The following CDC14A variants were observed in gnomAD, a reference collection of about 807,000 sequenced individuals.
CDC14A encodes dual specificity protein phosphatase CDC14A.
In CDC14A, 53 loss-of-function variants were observed where a neutral mutation model predicts 74.4. That is an observed-to-expected ratio of 0.71 (90% confidence interval 0.57 to 0.89). CDC14A has a LOEUF of 0.89. Among genes scored for constraint, CDC14A ranks in the 40% least tolerant of loss-of-function variants. CDC14A has a pLI of 0.00. For missense variants in CDC14A, 646 were observed against 713.7 expected (o/e 0.91, Z 1.08); for synonymous variants, 247 against 258.4 (o/e 0.96, Z 0.43).
At chr1:100,478,279 G>C (rs1419608630) in intron 10 of CDC14A, among the ~76,000 whole-genome samples, 3 of 151,944 alleles carry the variant, frequency 2.0e-5, no homozygotes, top group Non-Finnish European at 2.9e-5. Flanking sequence ...AAGTATAAAG[G>C]TGGAGTCAGG....
At chr1:100,450,759 C>T (rs1666056777) in intron 7 of CDC14A, among the ~76,000 whole-genome samples, 1 of 152,102 alleles carries the variant, frequency 6.6e-6, no homozygotes, top group African/African-American at 2.4e-5. Context: ...TAAACAATTC[C>T]CCATGGCTTT....
Position 100,459,101 on chromosome 1 carries a change from GCA to G in CDC14A, c.608-3525_608-3524del, listed in dbSNP as rs545033793. On this transcript the variant is annotated intron_variant, in intron 8 of 15. Transcript: ENST00000336454. ...CTTCTATTTAAACACACACACACAC[GCA>G]CACACACACACACACACACACACAG... 2.0e-3 allele frequency among the ~76,000 whole-genome samples: 290 copies of G among 143,720 alleles called. 1 individual carries two copies. The highest frequency in any genetic ancestry group is 5.1e-3 in the East Asian group (25 of 4,950). 94.3% of individuals were successfully genotyped at this position (143,720 alleles called of 152,430 possible).
intron 4 of CDC14A, among the ~76,000 whole-genome samples, chr1:100,407,416 C>T (rs1352541259): frequency 6.6e-6 from 1 of 152,154 alleles, no homozygotes; most frequent in African/African-American, 2.4e-5. Flanking sequence ...AGATCCTTCA[C>T]TTCCCTTGTT....
In CDC14A at chr1:100,410,822, G is replaced by A. The variant is rs192150948; in HGVS notation, c.310-13400G>A. On this transcript the variant is annotated intron_variant, in intron 4 of 15. Coordinates refer to ENST00000336454, the MANE Select transcript of CDC14A (RefSeq NM_003672.4). Reference sequence around the variant, plus strand: ...CCACGATGGTGATCACCGAATTCTCGCTATTAATTCAATTTAAAAAATTTT... The same window carrying A: ...CCACGATGGTGATCACCGAATTCTCACTATTAATTCAATTTAAAAAATTTT... 2.0e-5 allele frequency among the ~76,000 whole-genome samples: 3 copies of A among 152,196 alleles called. No homozygotes were observed. The Middle Eastern group carries it at 0.01, about 518-fold the overall frequency.
Position 100,498,068 on chromosome 1 carries a change from C to T in CDC14A, c.1299-17C>T. The T allele has an allele frequency of 1.2e-6, 2 of 1,604,670 alleles. No homozygotes were observed. Among genetic ancestry groups the T allele is most frequent in the Non-Finnish European group, 8.5e-7 (1 of 1,176,998 alleles). The stretch of plus-strand genomic sequence containing the variant: ...AGACTACTTTATTGTGACACTTTGC[C>T]ATTTTTCTCCGCAAAGATTAAGTTC... On this transcript the variant is annotated splice_polypyrimidine_tract_variant and intron_variant, in intron 13 of 15. Transcript: ENST00000336454.
chr1:100,404,713 C>T (rs1659713616), intron 4 of CDC14A, among the ~76,000 whole-genome samples: 1 of 152,080 alleles, frequency 6.6e-6, no homozygotes, highest in Non-Finnish European at 1.5e-5. Context: ...GCCTGTATTC[C>T]CAGCTACTCG....
chr1:100,347,188 A>G (rs1036730300), intron 1 of CDC14A, among the ~76,000 whole-genome samples: 2 of 152,266 alleles, frequency 1.3e-5, no homozygotes, highest in Non-Finnish European at 2.9e-5. Flanking sequence ...AAGGTTGTTG[A>G]TACTACAGCA....
chr1:100,501,210 A>G (rs1648684339), intron 15 of CDC14A, among the ~76,000 whole-genome samples: 1 of 152,256 alleles, frequency 6.6e-6, no homozygotes. Flanking sequence ...CTATATTTAT[A>G]AATCATATAC....
intron 2 of CDC14A, among the ~76,000 whole-genome samples, chr1:100,364,692 T>C (rs895017121): frequency 3.9e-5 from 6 of 152,244 alleles, no homozygotes; most frequent in African/African-American, 1.4e-4. Context: ...CATTGAATAA[T>C]GGAGTTAATT....
chr1:100,426,494 T>G (rs915909224), intron 5 of CDC14A, among the ~76,000 whole-genome samples: 1 of 152,328 alleles, frequency 6.6e-6, no homozygotes, highest in African/African-American at 2.4e-5. Context: ...TAGAATTGAT[T>G]TCAATTCTAC....
chr1:100,505,408 C>A (rs759848962), intron 15 of CDC14A, among the ~76,000 whole-genome samples: 5 of 152,146 alleles, frequency 3.3e-5, no homozygotes, highest in Non-Finnish European at 7.4e-5. Flanking sequence ...TAACATCAGG[C>A]AGAATACGTA....
At chr1:100,386,542 TC>T (rs35278644) in intron 3 of CDC14A, among the ~76,000 whole-genome samples, 1 of 152,124 alleles carries the variant, frequency 6.6e-6, no homozygotes, top group Admixed American at 6.5e-5. Flanking sequence ...TGCTTTGTAA[TC>T]CCTGCACTTT....
At position 100,518,819 on chromosome 1, in the gene CDC14A, A is replaced by G. The variant is rs1650441414; in HGVS notation, c.*539A>G. 6.6e-6 allele frequency: 1 copy of G among 152,592 alleles called. No individual in the cohort carries two copies. The highest frequency in any genetic ancestry group is 1.5e-5 in the Non-Finnish European group (1 of 68,054). 9.5% of individuals were successfully genotyped at this position (152,592 alleles called of 1,614,324 possible). A position where few individuals can be genotyped will look rare whatever the true frequency, so the allele number is the denominator to read the frequency against. On this transcript the variant is annotated 3_prime_UTR_variant, in exon 16 of 16. Coordinates refer to ENST00000336454, the MANE Select transcript of CDC14A (RefSeq NM_003672.4). Reference sequence around the variant, plus strand: ...GAAGTAAGGGAGAAAGTTTTTAGAAAGTGATTTTTATGCTCGCACTATAAA... The same window carrying G: ...GAAGTAAGGGAGAAAGTTTTTAGAAGGTGATTTTTATGCTCGCACTATAAA...
chr1:100,498,809 A>T (rs1648280167), intron 14 of CDC14A, 120 bp from the exon 15 acceptor site: 1 of 1,351,380 alleles, frequency 7.4e-7, no homozygotes, highest in Non-Finnish European at 9.9e-7. Context: ...ATTCACATTG[A>T]TCAGATTCAT....
At chr1:100,480,295 A>G (rs1669315619) in intron 10 of CDC14A, among the ~76,000 whole-genome samples, 2 of 152,230 alleles carry the variant, frequency 1.3e-5, no homozygotes, top group African/African-American at 4.8e-5. Flanking sequence ...CATATTTGCA[A>G]CATTCATCCA....
Position 100,400,901 on chromosome 1 carries a change from A to G in CDC14A, c.309+10077A>G, listed in dbSNP as rs941330304. Among the ~76,000 whole-genome samples, 8 of 152,054 alleles carry G rather than the reference A, an allele frequency of 5.3e-5. 1 individual carries two copies. Among genetic ancestry groups the G allele is most frequent in the Admixed American group, 3.3e-4 (5 of 15,274 alleles). On this transcript the variant is annotated intron_variant, in intron 4 of 15. Coordinates refer to ENST00000336454, the MANE Select transcript of CDC14A (RefSeq NM_003672.4). The stretch of plus-strand genomic sequence containing the variant: ...TCTTTTTTTCTTTTGGCATCCTGAT[A>G]ATAAACTTCCTTTGTGTTGTAAATA...
chr1:100,435,319 T>C (rs1338660331), intron 5 of CDC14A, among the ~76,000 whole-genome samples: 1 of 152,304 alleles, frequency 6.6e-6, no homozygotes, highest in South Asian at 2.1e-4. Context: ...TAGGCTAAGA[T>C]GATGCATGCA....
chr1:100,411,004 G>C (rs1347428253), intron 4 of CDC14A, among the ~76,000 whole-genome samples: 1 of 151,090 alleles, frequency 6.6e-6, no homozygotes, highest in Non-Finnish European at 1.5e-5. Context: ...TGCTCTGGTA[G>C]AGCTGTATAG....
chr1:100,454,747 G>A (rs2101179518), intron 7 of CDC14A, among the ~76,000 whole-genome samples: 1 of 152,292 alleles, frequency 6.6e-6, no homozygotes, highest in African/African-American at 2.4e-5. Flanking sequence ...TGGAAGATCA[G>A]CTGTGTTCAG....
Sources: gnomAD v4.1 joint callset for allele counts (sites outside exome capture counted in the v4.1 genomes callset) on GRCh38, gnomAD v4.1.1 for gene constraint, MANE v1.5 for transcripts, NCBI Gene and HGNC (gene_info 2026-07-23, HGNC 2026-07-21) for gene names.